The following TTC6 variants were observed in gnomAD, a reference collection of about 807,000 sequenced individuals.
TTC6 encodes the protein tetratricopeptide repeat domain 6.
TTC6 carries 172 observed loss-of-function variants against 210.4 expected under a neutral mutation model. The observed-to-expected ratio is 0.82, with a 90% CI of 0.72 to 0.93. The LOEUF is 0.93. TTC6 is among the 40% of genes least tolerant of loss of function. The pLI is 0.00. For synonymous variants in TTC6, 804 were observed against 819.6 expected, an observed-to-expected ratio of 0.98 and a Z score of 0.32; for missense variants, 2,414 against 2,318.1, an observed-to-expected ratio of 1.04 and a Z score of -0.85.
chr14:37,666,730 G>A (rs1208452377), intron 1 of TTC6, among the ~76,000 whole-genome samples: 1 of 150,122 alleles, frequency 6.7e-6, no homozygotes, highest in African/African-American at 2.4e-5. Flanking sequence ...TATCCTTTGA[G>A]GGGATAGGTG....
chr14:37,786,094 G>A (rs1350801552), intron 14 of TTC6, among the ~76,000 whole-genome samples: 2 of 152,188 alleles, frequency 1.3e-5, no homozygotes, highest in Non-Finnish European at 2.9e-5. Flanking sequence ...TGAGGTGGCA[G>A]TCTGTCCATT....
intron 5 of TTC6, among the ~76,000 whole-genome samples, chr14:37,702,679 A>G (rs913225099): frequency 2.6e-5 from 4 of 152,204 alleles, no homozygotes; most frequent in Non-Finnish European, 5.9e-5. Context: ...ATACTATTCT[A>G]AAAGATCACT....
chr14:37,739,035 C>A, exon 10 of TTC6: 1 of 1,535,392 alleles, frequency 6.5e-7, no homozygotes, highest in South Asian at 1.2e-5. Flanking sequence ...TCTAAAAAAG[C>A]TGGCATTAGT....
chr14:37,801,882 C>T (rs957744275), intron 20 of TTC6, among the ~76,000 whole-genome samples: 1 of 128,196 alleles, frequency 7.8e-6, no homozygotes, highest in African/African-American at 2.7e-5. Context: ...ACCCAGCAAT[C>T]TCATTACTGA....
At chr14:37,790,430 A>G (rs2096076810) in intron 15 of TTC6, among the ~76,000 whole-genome samples, 1 of 152,094 alleles carries the variant, frequency 6.6e-6, no homozygotes, top group Admixed American at 6.6e-5. Flanking sequence ...TTGGACTTTA[A>G]TCTCCTCACC....
chr14:37,694,085 A>C (rs1176448300), intron 3 of TTC6, among the ~76,000 whole-genome samples: 2 of 152,184 alleles, frequency 1.3e-5, no homozygotes, highest in Non-Finnish European at 2.9e-5. Flanking sequence ...AGCACAGGCA[A>C]CCAAAGCAAA....
intron 1 of TTC6, among the ~76,000 whole-genome samples, chr14:37,675,187 T>A (rs780448284): frequency 1.4e-4 from 22 of 152,070 alleles, no homozygotes; most frequent in Non-Finnish European, 1.6e-4. Flanking sequence ...ATCTCATCCT[T>A]CCAAAAGGAT....
At chr14:37,738,658 CTT>C (rs1476917535) in intron 9 of TTC6, 116 bp from the exon 12 acceptor site, 4 of 898,462 alleles carry the variant, frequency 4.5e-6, no homozygotes, top group Non-Finnish European at 1.5e-6. Flanking sequence ...GATTTTTAAA[CTT>C]TTAAATTAAG....
At chr14:37,814,102 A>G (rs1188210806) in intron 25 of TTC6, among the ~76,000 whole-genome samples, 1 of 152,156 alleles carries the variant, frequency 6.6e-6, no homozygotes, top group African/African-American at 2.4e-5. Flanking sequence ...AAACCCTCTG[A>G]TGGCTTCCCA....
intron 27 of TTC6, among the ~76,000 whole-genome samples, chr14:37,825,910 G>T (rs189293423): frequency 3.4e-4 from 51 of 152,142 alleles, no homozygotes; most frequent in African/African-American, 1.2e-3. Flanking sequence ...CGTTTCACAT[G>T]GTGGCTATGA....
intron 14 of TTC6, among the ~76,000 whole-genome samples, chr14:37,782,495 T>C (rs2096057551): frequency 6.6e-6 from 1 of 152,166 alleles, no homozygotes; most frequent in African/African-American, 2.4e-5. Context: ...GAGACTTTGC[T>C]GAAGTTGCTT....
At chr14:37,735,849 A>T in intron 7 of TTC6, 72 bp from the exon 10 acceptor site, 1 of 855,440 alleles carries the variant, frequency 1.2e-6, no homozygotes. Context: ...TTGTACTATG[A>T]AGTAACAGTC....
intron 1 of TTC6, among the ~76,000 whole-genome samples, chr14:37,628,216 G>A (rs917721183): frequency 2.0e-5 from 3 of 152,100 alleles, no homozygotes; most frequent in African/African-American, 4.8e-5. Context: ...CAGGTGATCC[G>A]CCCACCTTGG....
intron 16 of TTC6, among the ~76,000 whole-genome samples, chr14:37,791,204 G>A (rs550851608): frequency 1.3e-5 from 2 of 152,176 alleles, no homozygotes; most frequent in East Asian, 3.9e-4. Flanking sequence ...AAAACATTCT[G>A]CTTGGTGTAT....
chr14:37,625,828 C>T (rs140090081), intron 1 of TTC6, among the ~76,000 whole-genome samples: 2 of 152,272 alleles, frequency 1.3e-5, no homozygotes, highest in African/African-American at 4.8e-5. Context: ...ATTCCACATG[C>T]AGCACTTGGA....
chr14:37,827,630 T>C (rs1595325653), intron 29 of TTC6, among the ~76,000 whole-genome samples: 1 of 152,074 alleles, frequency 6.6e-6, no homozygotes, highest in Non-Finnish European at 1.5e-5. Context: ...TAGAATCTTA[T>C]TGAGACATAA....
intron 1 of TTC6, among the ~76,000 whole-genome samples, chr14:37,679,139 T>C (rs2095777093): frequency 6.6e-6 from 1 of 152,114 alleles, no homozygotes. Flanking sequence ...AAAGGAACGC[T>C]TGAGCCCAGG....
At chr14:37,674,697 T>C (rs1213800993) in intron 1 of TTC6, among the ~76,000 whole-genome samples, 1 of 152,166 alleles carries the variant, frequency 6.6e-6, no homozygotes, top group Non-Finnish European at 1.5e-5. Flanking sequence ...AAGATCATTG[T>C]ATGTTTTTAC....
chr14:37,717,178 A>G (rs1252321930), intron 6 of TTC6, among the ~76,000 whole-genome samples: 1 of 151,516 alleles, frequency 6.6e-6, no homozygotes. Context: ...CCAAAAAAAG[A>G]GCAAAATGAA....
Sources: gnomAD v4.1 joint callset for allele counts (sites outside exome capture counted in the v4.1 genomes callset) on GRCh38, gnomAD v4.1.1 for gene constraint, MANE v1.5 for transcripts, NCBI Gene and HGNC (gene_info 2026-07-23, HGNC 2026-07-21) for gene names.